The following RGSL1 variants were observed in gnomAD, a reference collection of about 807,000 sequenced individuals.
RGSL1 encodes the protein regulator of G protein signaling protein-like.
RGSL1 carries 97 observed loss-of-function variants against 124.7 expected under a neutral mutation model. The ratio of observed to expected loss-of-function variants is 0.78; its 90% CI spans 0.66 to 0.92. RGSL1 has a LOEUF of 0.92. Ranked by LOEUF, RGSL1 falls within the 40% of genes least tolerant of loss-of-function variation. The probability of loss-of-function intolerance (pLI) is 0.00; values close to 1 mark genes in which losing one functional copy is unlikely to be tolerated. For synonymous variants in RGSL1, 424 were observed against 438.1 expected (o/e 0.97, Z 0.40); for missense variants, 1,233 against 1,288.4 (o/e 0.96, Z 0.66).
chr1:182,502,499 C>T (rs1196127565), intron 9 of RGSL1, among the ~76,000 whole-genome samples: 1 of 152,146 alleles, frequency 6.6e-6, no homozygotes, highest in African/African-American at 2.4e-5. Flanking sequence ...TTGCTTGAGC[C>T]TAGGAAGCTG....
In RGSL1 at chr1:182,453,998, T is replaced by C; in HGVS notation, c.54T>C (p.Asp18=). Reference sequence around the variant, plus strand: ...CAAATCTTATAATTCTGCTAGAGGATGAAGTCTTTGCCGATTTTTTCAACA... The same window carrying C: ...CAAATCTTATAATTCTGCTAGAGGACGAAGTCTTTGCCGATTTTTTCAACA... The part of the protein sequence containing the change: ...GSTNLIILLE[D]EVFADFFNTF... Residue 18 remains aspartate, a synonymous_variant, in exon 2 of 22, where the codon GAT becomes GAC. Coordinates refer to ENST00000294854, the MANE Select transcript of RGSL1 (RefSeq NM_001137669.2). The C allele has an allele frequency of 1.3e-6, 2 of 1,536,686 alleles. No homozygotes were observed. Among genetic ancestry groups the C allele is most frequent in the Non-Finnish European group, 1.8e-6 (2 of 1,133,394 alleles).
At chr1:182,465,713 TG>T (rs949373385) in intron 4 of RGSL1, among the ~76,000 whole-genome samples, 29 of 152,316 alleles carry the variant, frequency 1.9e-4, no homozygotes, top group African/African-American at 6.7e-4. Flanking sequence ...ATGGTTTTAC[TG>T]GTGACTTATA....
At chr1:182,523,518 C>G (rs1009239361) in intron 10 of RGSL1, among the ~76,000 whole-genome samples, 2 of 152,146 alleles carry the variant, frequency 1.3e-5, no homozygotes, top group African/African-American at 2.4e-5. Context: ...TGTAGAAATA[C>G]TTATTTTCCA....
At chr1:182,511,091 C>G (rs939754119) in intron 9 of RGSL1, among the ~76,000 whole-genome samples, 2 of 152,064 alleles carry the variant, frequency 1.3e-5, no homozygotes, top group Non-Finnish European at 2.9e-5. Context: ...GTCTTTAATA[C>G]ATTTTTATTT....
intron 9 of RGSL1, among the ~76,000 whole-genome samples, chr1:182,503,609 T>G (rs1571589454): frequency 6.9e-6 from 1 of 145,312 alleles, no homozygotes. Context: ...GGAGGGTGGG[T>G]TGTGTAGGGT....
intron 11 of RGSL1, among the ~76,000 whole-genome samples, chr1:182,529,958 A>T (rs1007642429): frequency 2.6e-5 from 4 of 152,206 alleles, no homozygotes; most frequent in Non-Finnish European, 5.9e-5. Flanking sequence ...TTTTCAAACC[A>T]GCTGCAGAAA....
intron 21 of RGSL1, among the ~76,000 whole-genome samples, chr1:182,558,730 T>C (rs1434185698): frequency 1.3e-5 from 2 of 152,174 alleles, no homozygotes; most frequent in African/African-American, 2.4e-5. Context: ...TCTTTGAATT[T>C]CTCCTGCCTC....
At chr1:182,502,135 T>G (rs1656434458) in intron 9 of RGSL1, among the ~76,000 whole-genome samples, 1 of 152,238 alleles carries the variant, frequency 6.6e-6, no homozygotes, top group Non-Finnish European at 1.5e-5. Flanking sequence ...TCGATAAGTC[T>G]AGCTAAATGT....
chr1:182,486,763 C>T (rs1310845006), intron 6 of RGSL1, among the ~76,000 whole-genome samples: 1 of 152,168 alleles, frequency 6.6e-6, no homozygotes, highest in Non-Finnish European at 1.5e-5. Context: ...GCAACCTCCG[C>T]CTCCTGGGTT....
chr1:182,542,809 T>G (rs1001639287), intron 15 of RGSL1, among the ~76,000 whole-genome samples: 2 of 152,178 alleles, frequency 1.3e-5, no homozygotes, highest in African/African-American at 4.8e-5. Flanking sequence ...TTATGCTTTT[T>G]GTAGCTATTG....
At chr1:182,455,744 A>G (rs1652265784) in intron 2 of RGSL1, among the ~76,000 whole-genome samples, 1 of 152,268 alleles carries the variant, frequency 6.6e-6, no homozygotes, top group Non-Finnish European at 1.5e-5. Flanking sequence ...AGGAAGGCTG[A>G]AGAACAGTTG....
At chr1:182,546,347 C>CTT (rs56229530) in intron 15 of RGSL1, among the ~76,000 whole-genome samples, 3 of 149,146 alleles carry the variant, frequency 2.0e-5, no homozygotes, top group Non-Finnish European at 3.0e-5. Context: ...CTTTGTATAC[C>CTT]TTTTTTTTTT....
intron 7 of RGSL1, 116 bp from the exon 8 acceptor site, chr1:182,488,864 C>T (rs1329972591): frequency 8.0e-6 from 6 of 753,022 alleles, no homozygotes; most frequent in Middle Eastern, 3.9e-4. Flanking sequence ...CAACTGAAAA[C>T]AACCTGCATA....
chr1:182,538,935 A>C (rs1005435594), intron 14 of RGSL1, among the ~76,000 whole-genome samples: 3 of 152,204 alleles, frequency 2.0e-5, no homozygotes, highest in Non-Finnish European at 4.4e-5. Flanking sequence ...TAGAAAGTAG[A>C]ATCAACAGCA....
intron 2 of RGSL1, among the ~76,000 whole-genome samples, 181 bp from the exon 3 acceptor site, chr1:182,458,138 G>C (rs1652501168): frequency 6.6e-6 from 1 of 152,208 alleles, no homozygotes; most frequent in African/African-American, 2.4e-5. Flanking sequence ...AATTCAGTCT[G>C]TTTAGAGCTT....
At position 182,556,043 on chromosome 1, in the gene RGSL1, A is replaced by C. The variant is rs1023600224; in HGVS notation, c.3217A>C (p.Lys1073Gln). The change falls in exon 21 of 22, where the codon AAA becomes CAA. Residue 1073 changes from lysine (K) to glutamine (Q), a missense_variant. Physicochemically the swap from Lys to Gln is moderately conservative, Grantham distance 53 (BLOSUM62 1). Coordinates refer to ENST00000294854, the MANE Select transcript of RGSL1 (RefSeq NM_001137669.2). ...CTTCAGACAAAAATTATCCTACATC[A>C]AAAAAGAGAAGTAATCAAGCGAGAC... ...PVQGQKLSYIKKEK is the reference protein window; with the variant it reads ...PVQGQKLSYIQKEK The C allele has an allele frequency of 2.4e-5, 38 of 1,551,348 alleles. No individual in the cohort carries two copies. The highest frequency in any genetic ancestry group is 3.1e-5 in the Non-Finnish European group (36 of 1,146,654).
chr1:182,522,380 A>G (rs986239471), intron 10 of RGSL1, among the ~76,000 whole-genome samples: 4 of 152,180 alleles, frequency 2.6e-5, no homozygotes, highest in Admixed American at 1.3e-4. Context: ...ACCTCCTTCC[A>G]TGAGTGTAGT....
At chr1:182,450,758 C>T (rs1482760127) in intron 1 of RGSL1, among the ~76,000 whole-genome samples, 1 of 152,118 alleles carries the variant, frequency 6.6e-6, no homozygotes, top group Non-Finnish European at 1.5e-5. Context: ...TCTGCCAAAC[C>T]CCACTTTTCT....
In RGSL1 at chr1:182,454,242, A is replaced by G. The variant is rs553704640; in HGVS notation, c.96+202A>G. ...AATCTCCAAAAGCTTCCCATTGTTG[A>G]TGTCATCAGATCCTAAATCCCCAGC... On this transcript the variant is annotated intron_variant, in intron 2 of 21. Coordinates refer to ENST00000294854, the MANE Select transcript of RGSL1 (RefSeq NM_001137669.2). Among the ~76,000 whole-genome samples, 3 of 152,290 alleles carry G rather than the reference A, an allele frequency of 2.0e-5. 1 individual carries two copies. The highest frequency in any genetic ancestry group is 4.1e-4 in the South Asian group (2 of 4,826).
Sources: gnomAD v4.1 joint callset for allele counts (sites outside exome capture counted in the v4.1 genomes callset) on GRCh38, gnomAD v4.1.1 for gene constraint, MANE v1.5 for transcripts, NCBI Gene and HGNC (gene_info 2026-07-23, HGNC 2026-07-21) for gene names.